ATL2: variants seen among roughly 807,000 people sequenced by gnomAD.
ATL2 encodes atlastin-2.
ATL2 carries 31 observed loss-of-function variants against 73.9 expected under a neutral mutation model. The ratio of observed to expected loss-of-function variants is 0.42; its 90% confidence interval spans 0.32 to 0.57. The LOEUF (loss-of-function observed/expected upper bound fraction) is 0.57. ATL2 is among the 20% of genes least tolerant of loss of function. The probability of loss-of-function intolerance (pLI) is 0.14; values close to 1 mark genes in which losing one functional copy is unlikely to be tolerated. For missense variants in ATL2, 738 were observed against 702.6 expected (o/e 1.05, Z -0.57); for synonymous variants, 291 against 237.5 (o/e 1.23, Z -2.07).
chr2:38,346,621 G>A (rs960839098), intron 1 of ATL2, among the ~76,000 whole-genome samples: 1 of 152,098 alleles, frequency 6.6e-6, no homozygotes, highest in Non-Finnish European at 1.5e-5. Flanking sequence ...TTCTCATAAG[G>A]AGCACACAAC....
At chr2:38,369,872 C>A (rs932488273) in intron 1 of ATL2, among the ~76,000 whole-genome samples, 3 of 151,922 alleles carry the variant, frequency 2.0e-5, no homozygotes, top group African/African-American at 7.3e-5. Flanking sequence ...AAAATCAAAG[C>A]CGGGCGCGGT....
intron 2 of ATL2, among the ~76,000 whole-genome samples, chr2:38,338,983 G>C (rs1669535812): frequency 6.6e-6 from 1 of 152,140 alleles, no homozygotes; most frequent in Admixed American, 6.6e-5. Flanking sequence ...GGGAGGCTGA[G>C]GCGGGCAGAA....
rs532930131 is a variant in ATL2 at position 38,356,145 on chromosome 2, CA to C, written c.119-12634del. ...TTTCTAAGTCACATTTAAAAAAAAT[CA>C]TTTAAATAATATTTTTATTTACTAA... On this transcript the variant is annotated intron_variant, in intron 1 of 12. Coordinates refer to ENST00000378954, the MANE Select transcript of ATL2 (RefSeq NM_001135673.4). Among the ~76,000 whole-genome samples the C allele has an allele frequency of 2.7e-3, 408 of 152,108 alleles. 2 individuals carry two copies. The highest frequency in any genetic ancestry group is 4.5e-3 in the Non-Finnish European group (308 of 67,992).
chr2:38,341,278 T>TA (rs1558430404), intron 2 of ATL2, among the ~76,000 whole-genome samples: 1 of 152,144 alleles, frequency 6.6e-6, no homozygotes, highest in African/African-American at 2.4e-5. Flanking sequence ...ACAGTTTTTT[T>TA]AAAAAATATG....
At chr2:38,355,785 C>T (rs1035111963) in intron 1 of ATL2, among the ~76,000 whole-genome samples, 1 of 151,366 alleles carries the variant, frequency 6.6e-6, no homozygotes, top group African/African-American at 2.4e-5. Context: ...CTGCAACCCC[C>T]GTCTTGCAGG....
At chr2:38,348,108 G>C (rs372315839) in intron 1 of ATL2, among the ~76,000 whole-genome samples, 1 of 151,930 alleles carries the variant, frequency 6.6e-6, no homozygotes, top group African/African-American at 2.4e-5. Flanking sequence ...TAATCAAATA[G>C]CTTGGGGAAA....
chr2:38,354,010 T>A (rs1413501491), intron 1 of ATL2: 2 of 272,710 alleles, frequency 7.3e-6, no homozygotes, highest in Non-Finnish European at 1.5e-5. Flanking sequence ...CTGGCCAACA[T>A]GGTGAAACCC....
chr2:38,343,712 G>C (rs557258887), intron 1 of ATL2, among the ~76,000 whole-genome samples, 200 bp from the exon 2 acceptor site: 20 of 152,168 alleles, frequency 1.3e-4, no homozygotes, highest in African/African-American at 4.6e-4. Flanking sequence ...TGATATGGTT[G>C]GCTGTGTCCC....
At position 38,309,510 on chromosome 2, in the gene ATL2, G is replaced by GAAAACA. The variant is rs1159460738; in HGVS notation, c.944-10_944-5dup. The GAAAACA allele has an allele frequency of 1.2e-6, 2 of 1,604,254 alleles. No homozygotes were observed. Among genetic ancestry groups the GAAAACA allele is most frequent in the Admixed American group, 3.5e-5 (2 of 57,576 alleles). On this transcript the variant is annotated splice_polypyrimidine_tract_variant and splice_region_variant and intron_variant, in intron 8 of 12. Coordinates refer to ENST00000378954, the MANE Select transcript of ATL2 (RefSeq NM_001135673.4). ...CGTTTAAAGTCTTCATCAATATCTAGAAAACAAAAAATTGAGCAACATATT... is the reference window on the plus strand; with the variant it reads ...CGTTTAAAGTCTTCATCAATATCTAGAAAACAAAAACAAAAAATTGAGCAACATATT...
At chr2:38,365,144 C>A (rs1483964712) in intron 1 of ATL2, among the ~76,000 whole-genome samples, 1 of 148,302 alleles carries the variant, frequency 6.7e-6, no homozygotes, top group Non-Finnish European at 1.5e-5. Context: ...TACACACACA[C>A]ACACACACAC....
At chr2:38,347,258 T>C (rs17022596) in intron 1 of ATL2, among the ~76,000 whole-genome samples, 16,426 of 152,170 alleles carry the variant, frequency 0.11, 2,925 homozygotes, top group African/African-American at 0.37. Flanking sequence ...AAAGCACATG[T>C]CATCTTACAA....
Position 38,372,130 on chromosome 2 carries a change from T to G in ATL2, c.118+5013A>C, listed in dbSNP as rs545689943. Among the ~76,000 whole-genome samples, 3 of 151,286 alleles carry G rather than the reference T, an allele frequency of 2.0e-5. No individual in the cohort carries two copies. The East Asian group carries it at 5.8e-4, about 29-fold the overall frequency. ...TATGGTTTCATGTTAATTGTTTTTT[T>G]TTTTTTTTTTGGCAATCCTGTGCAT... On this transcript the variant is annotated intron_variant, in intron 1 of 12. Transcript: ENST00000378954.
chr2:38,369,159 T>C (rs1206838347), intron 1 of ATL2, among the ~76,000 whole-genome samples: 2 of 152,070 alleles, frequency 1.3e-5, no homozygotes, highest in African/African-American at 4.8e-5. Context: ...CTTGAAAATG[T>C]ACATGTCAGG....
In ATL2 at chr2:38,295,978, G is replaced by A. The variant is rs775794225; in HGVS notation, c.*16C>T. The A allele has an allele frequency of 2.2e-5, 34 of 1,519,766 alleles. No individual in the cohort carries two copies. The Admixed American group carries it at 2.6e-4, about 12-fold the overall frequency. The allele number at this position is 1,519,766 out of a possible 1,614,324, so 94.1% of individuals were successfully genotyped here. The stretch of plus-strand genomic sequence containing the variant: ...ATGAAAAAAAAAGAGAGTGGAGTCC[G>A]TGAGGAGATGAACTGTCAGTCTGTC... On this transcript the variant is annotated 3_prime_UTR_variant, in exon 13 of 13. Coordinates refer to ENST00000378954, the MANE Select transcript of ATL2 (RefSeq NM_001135673.4).
intron 10 of ATL2, 147 bp from the exon 11 acceptor site, chr2:38,299,474 C>T (rs1667073332): frequency 8.8e-6 from 7 of 799,122 alleles, no homozygotes; most frequent in South Asian, 3.3e-5. Flanking sequence ...TGCAAGGGAA[C>T]GTTGGTATAA....
chr2:38,345,673 A>G (rs182136548), intron 1 of ATL2, among the ~76,000 whole-genome samples: 136 of 152,362 alleles, frequency 8.9e-4, no homozygotes, highest in Non-Finnish European at 1.5e-3. Context: ...CTTTCCAGGA[A>G]AAGTTGCAAT....
chr2:38,361,311 G>A (rs191398010), intron 1 of ATL2, among the ~76,000 whole-genome samples: 115 of 139,624 alleles, frequency 8.2e-4, no homozygotes, highest in Non-Finnish European at 1.2e-3. Context: ...CCGAGATCGC[G>A]CCACTGCACG....
intron 1 of ATL2, among the ~76,000 whole-genome samples, chr2:38,347,037 A>G (rs1670054300): frequency 6.6e-6 from 1 of 151,994 alleles, no homozygotes; most frequent in Admixed American, 6.6e-5. Context: ...GTCATTCTAT[A>G]CTCCCCAAAT....
rs1262524019 is a variant in ATL2 at position 38,309,464 on chromosome 2, G to A, written c.986C>T (p.Pro329Leu). Residue 329 changes from proline (P) to leucine (L), a missense_variant, in exon 9 of 13, where the codon CCA (proline) becomes CTA (leucine). Physicochemically the swap from Pro to Leu is moderately conservative, Grantham distance 98. Transcript: ENST00000378954. Reference sequence around the variant, plus strand: ...CAAATTTTCAGGGGCAAGCAGCAATGGAACCAGATTTCGAAGCTCTCGTTT... The same window carrying A: ...CAAATTTTCAGGGGCAAGCAGCAATAGAACCAGATTTCGAAGCTCTCGTTT... ...DFKRELRNLV[P>L]LLLAPENLVE... 6.2e-7 allele frequency: 1 copy of A among 1,612,494 alleles called. No individual in the cohort carries two copies. The highest frequency in any genetic ancestry group is 8.5e-7 in the Non-Finnish European group (1 of 1,179,668).
Sources: gnomAD v4.1 joint callset for allele counts (sites outside exome capture counted in the v4.1 genomes callset) on GRCh38, gnomAD v4.1.1 for gene constraint, MANE v1.5 for transcripts, NCBI Gene and HGNC (gene_info 2026-07-23, HGNC 2026-07-21) for gene names.